CACNB2: variants seen among roughly 807,000 people sequenced by gnomAD.
The protein encoded by CACNB2 is voltage-dependent L-type calcium channel subunit beta-2.
Under a neutral mutation model 73.3 loss-of-function variants are expected in CACNB2, and 42 were observed. That is an observed-to-expected ratio of 0.57 (90% CI 0.45 to 0.74). The LOEUF (loss-of-function observed/expected upper bound fraction) is 0.74. CACNB2 is among the 30% of genes least tolerant of loss of function. The pLI, the probability that CACNB2 is intolerant of heterozygous loss-of-function variation, is 0.00. For synonymous variants in CACNB2, 348 were observed against 310.3 expected (o/e 1.12, Z -1.28); for missense variants, 940 against 853.0 (o/e 1.10, Z -1.27).
chr10:18,290,177 G>C (rs1444741830), intron 2 of CACNB2, among the ~76,000 whole-genome samples: 1 of 116,848 alleles, frequency 8.6e-6, no homozygotes, highest in Non-Finnish European at 1.6e-5. Context: ...ATAAGCGCGC[G>C]CCACCATGCC....
chr10:18,491,664 A>C (rs1240674453), intron 3 of CACNB2, among the ~76,000 whole-genome samples: 1 of 152,130 alleles, frequency 6.6e-6, no homozygotes, highest in African/African-American at 2.4e-5. Flanking sequence ...CTGAATGGTA[A>C]GAGGAAAGAG....
chr10:18,392,057 T>C (rs1430656683), intron 2 of CACNB2, among the ~76,000 whole-genome samples: 5 of 151,866 alleles, frequency 3.3e-5, no homozygotes, highest in African/African-American at 1.2e-4. Flanking sequence ...GAAGACCTCA[T>C]TGAGAAAGAT....
rs188401141 is a variant in CACNB2, at chr10:18,215,069, A to T, written c.213+64094A>T. On this transcript the variant is annotated intron_variant, in intron 2 of 13. Coordinates refer to ENST00000324631, the MANE Select transcript of CACNB2 (RefSeq NM_201596.3). Reference sequence around the variant, plus strand: ...GTAAAGTGCTGAACCCACTGTGCAAAAATCAAGACACTTAGAATACAAGAA... The same window carrying T: ...GTAAAGTGCTGAACCCACTGTGCAATAATCAAGACACTTAGAATACAAGAA... Among the ~76,000 whole-genome samples the T allele has an allele frequency of 5.3e-5, 8 of 149,738 alleles. No homozygotes were observed. In the East Asian group the frequency reaches 1.4e-3, roughly 26 times the overall value.
intron 3 of CACNB2, among the ~76,000 whole-genome samples, chr10:18,458,759 T>C (rs932204166): frequency 2.0e-5 from 3 of 146,406 alleles, no homozygotes; most frequent in Admixed American, 1.4e-4. Context: ...AAAAGTAAGG[T>C]GAACTTTTTT....
At chr10:18,401,205 A>G (rs544269614) in intron 2 of CACNB2, 9 of 1,342,732 alleles carry the variant, frequency 6.7e-6, no homozygotes, top group African/African-American at 1.4e-5. Flanking sequence ...GGTTAATCGG[A>G]TCATGATTGC....
chr10:18,308,370 T>G (rs920249870), intron 2 of CACNB2, among the ~76,000 whole-genome samples: 1 of 152,158 alleles, frequency 6.6e-6, no homozygotes, highest in African/African-American at 2.4e-5. Context: ...GAAGGATTGC[T>G]ATCACAGGGA....
Position 18,310,605 on chromosome 10 carries a change from C to CA in CACNB2, c.214-91296dup, listed in dbSNP as rs1157466238. Reference sequence around the variant, plus strand: ...GGGCAATAATAGCAAAACTCCATCTCAAAAAAAAAAAAAAAAAAAAAAAGT... The same window carrying CA: ...GGGCAATAATAGCAAAACTCCATCTCAAAAAAAAAAAAAAAAAAAAAAAAGT... On this transcript the variant is annotated intron_variant, in intron 2 of 13. Transcript: ENST00000324631. Among the ~76,000 whole-genome samples the CA allele has an allele frequency of 8.7e-3, 319 of 36,638 alleles. 1 individual carries two copies. Among genetic ancestry groups the CA allele is most frequent in the Admixed American group, 0.012 (32 of 2,676 alleles). The allele number at this position is 36,638 out of a possible 152,430, so 24.0% of individuals were successfully genotyped here.
At chr10:18,232,755 C>T (rs2036270026) in intron 2 of CACNB2, among the ~76,000 whole-genome samples, 1 of 152,072 alleles carries the variant, frequency 6.6e-6, no homozygotes, top group Non-Finnish European at 1.5e-5. Context: ...TTTGTGTATT[C>T]GTTACAAGCA....
chr10:18,361,629 T>C (rs944666501), intron 2 of CACNB2, among the ~76,000 whole-genome samples: 30 of 150,706 alleles, frequency 2.0e-4, no homozygotes, highest in African/African-American at 5.6e-4. Context: ...TTTTTTTTTT[T>C]CGAAACATAG....
intron 2 of CACNB2, among the ~76,000 whole-genome samples, chr10:18,233,675 A>C (rs912150022): frequency 6.6e-6 from 1 of 152,152 alleles, no homozygotes; most frequent in Non-Finnish European, 1.5e-5. Flanking sequence ...GAGTGCTAGT[A>C]GGTAGGTATT....
At chr10:18,234,579 A>T (rs1488037140) in intron 2 of CACNB2, among the ~76,000 whole-genome samples, 1 of 152,236 alleles carries the variant, frequency 6.6e-6, no homozygotes, top group Non-Finnish European at 1.5e-5. Context: ...TTTCTCACAC[A>T]TGAAGACATT....
At chr10:18,517,833 G>A (rs930068422) in intron 7 of CACNB2, among the ~76,000 whole-genome samples, 13 of 152,326 alleles carry the variant, frequency 8.5e-5, no homozygotes, top group Non-Finnish European at 1.5e-4. Context: ...AGTATTGGTA[G>A]TGAGAGTTAT....
At chr10:18,254,321 G>A (rs1047926200) in intron 2 of CACNB2, among the ~76,000 whole-genome samples, 2 of 152,226 alleles carry the variant, frequency 1.3e-5, no homozygotes, top group Admixed American at 6.5e-5. Context: ...AATGTAGCAA[G>A]TGTAGTCTAC....
intron 3 of CACNB2, among the ~76,000 whole-genome samples, chr10:18,433,258 G>T (rs929501730): frequency 6.6e-6 from 1 of 152,186 alleles, no homozygotes; most frequent in Admixed American, 6.5e-5. Context: ...CCAAGAGCAG[G>T]AGAGAGAGCA....
At chr10:18,330,525 G>C (rs1182731844) in intron 2 of CACNB2, among the ~76,000 whole-genome samples, 1 of 152,124 alleles carries the variant, frequency 6.6e-6, no homozygotes, top group Non-Finnish European at 1.5e-5. Context: ...GTGTGTTCCT[G>C]TGATCCCAGT....
chr10:18,514,575 T>C lies in CACNB2; in HGVS notation c.804+206T>C, dbSNP rs1336898258. The C allele has an allele frequency of 1.9e-6, 3 of 1,597,082 alleles. No individual in the cohort carries two copies. In the Admixed American group the frequency reaches 5.0e-5, roughly 27 times the overall value. On this transcript the variant is annotated intron_variant, in intron 7 of 13. Transcript: ENST00000324631. ...AGCTGTGTTTATCCTGCCACTGGCATCATTAGCATTAATTCCCACAGTTGT... is the reference window on the plus strand; with the variant it reads ...AGCTGTGTTTATCCTGCCACTGGCACCATTAGCATTAATTCCCACAGTTGT...
chr10:18,191,259 G>A (rs766904309), intron 2 of CACNB2, among the ~76,000 whole-genome samples: 4 of 152,174 alleles, frequency 2.6e-5, no homozygotes, highest in Non-Finnish European at 1.5e-5. Flanking sequence ...TTTTATGAAT[G>A]AAAATACTGA....
At chr10:18,523,359 T>C (rs1244831397) in intron 9 of CACNB2, among the ~76,000 whole-genome samples, 1 of 152,194 alleles carries the variant, frequency 6.6e-6, no homozygotes, top group African/African-American at 2.4e-5. Context: ...CCTGAGTAAG[T>C]TTTGAATTTG....
At chr10:18,274,255 T>C (rs918069990) in intron 2 of CACNB2, among the ~76,000 whole-genome samples, 4 of 152,198 alleles carry the variant, frequency 2.6e-5, no homozygotes, top group African/African-American at 9.6e-5. Context: ...AGAAGGCACC[T>C]GCAGTGGAAA....
Sources: allele counts gnomAD v4.1 joint callset (sites outside exome capture counted in the v4.1 genomes callset), GRCh38; gene constraint gnomAD v4.1.1; transcripts MANE v1.5; gene names NCBI Gene and HGNC (gene_info 2026-07-23, HGNC 2026-07-21).